Variants in ARHGAP31 observed in about 807,000 individuals in gnomAD.
ARHGAP31 encodes the protein Rho GTPase activating protein 31.
ARHGAP31 carries 34 observed loss-of-function variants against 113.9 expected under a neutral mutation model. That is an observed-to-expected ratio of 0.30 (90% CI 0.23 to 0.40). ARHGAP31 has a LOEUF of 0.40. ARHGAP31 is among the 10% of genes least tolerant of loss of function. The probability of loss-of-function intolerance (pLI) is 1.00; values close to 1 mark genes in which losing one functional copy is unlikely to be tolerated. For missense variants in ARHGAP31, 1,548 were observed against 1,767.1 expected (o/e 0.88, Z 2.22); for synonymous variants, 650 against 684.8 (o/e 0.95, Z 0.79).
intron 1 of ARHGAP31, among the ~76,000 whole-genome samples, chr3:119,359,948 C>G (rs2080191414): frequency 6.6e-6 from 1 of 152,028 alleles, no homozygotes; most frequent in Non-Finnish European, 1.5e-5. Context: ...CATTATCTTA[C>G]CCTCTTCCCT....
chr3:119,324,948 G>A (rs764947965), intron 1 of ARHGAP31: 1 of 456,744 alleles, frequency 2.2e-6, no homozygotes, highest in South Asian at 1.5e-5. Flanking sequence ...AGGTGAAAAT[G>A]TGTCATTTGG....
At chr3:119,331,784 GT>G (rs747077549) in intron 1 of ARHGAP31, among the ~76,000 whole-genome samples, 4 of 152,196 alleles carry the variant, frequency 2.6e-5, no homozygotes, top group Non-Finnish European at 4.4e-5. Context: ...CTGTCTTAAA[GT>G]TTGACTCAGA....
At chr3:119,325,700 GGCTGTTTGACAGCTAGGGCA>G in intron 1 of ARHGAP31, among the ~76,000 whole-genome samples, 1 of 152,226 alleles carries the variant, frequency 6.6e-6, no homozygotes, top group African/African-American at 2.4e-5. Flanking sequence ...CCTGAAGGCA[GGCTGTTTGACAGCTAGGGCA>G]AAACAGTGGC....
chr3:119,297,246 T>C (rs1011224888), intron 1 of ARHGAP31, among the ~76,000 whole-genome samples: 4 of 152,218 alleles, frequency 2.6e-5, no homozygotes, highest in Admixed American at 1.3e-4. Flanking sequence ...TCAGTGCTAA[T>C]GGTTTTCTCT....
At position 119,387,221 on chromosome 3, in the gene ARHGAP31, C is replaced by T. The variant is rs1054278946; in HGVS notation, c.683-3564C>T. On this transcript the variant is annotated intron_variant, in intron 6 of 11. Transcript: ENST00000264245. ...GCGTCTTCCCAGACGCTGGCTTCAC[C>T]GCTAGACCAAGGAGCCCTTCTGCTG... Among the ~76,000 whole-genome samples the T allele has an allele frequency of 5.9e-5, 9 of 152,368 alleles. No individual in the cohort carries two copies. In the East Asian group the frequency reaches 7.7e-4, roughly 13 times the overall value.
At position 119,306,232 on chromosome 3, in the gene ARHGAP31, C is replaced by T. The variant is rs529566688; in HGVS notation, c.100+11228C>T. Among the ~76,000 whole-genome samples the T allele has an allele frequency of 5.9e-5, 9 of 152,186 alleles. No homozygotes were observed. In the South Asian group the frequency reaches 8.3e-4, roughly 14 times the overall value. ...TACTCTTCAAATCCAGTTTTGGACT[C>T]CTTGAGACAAAATGGACATCTAGTA... On this transcript the variant is annotated intron_variant, in intron 1 of 11. Transcript: ENST00000264245.
At chr3:119,365,509 C>T (rs1221388997) in intron 2 of ARHGAP31, 91 bp downstream of exon 2, 4 of 1,144,476 alleles carry the variant, frequency 3.5e-6, no homozygotes, top group South Asian at 1.3e-5. Flanking sequence ...ATTAAAAACC[C>T]AAAGGAACTG....
chr3:119,374,479 T>C (rs1255364528), intron 3 of ARHGAP31, among the ~76,000 whole-genome samples: 1 of 152,134 alleles, frequency 6.6e-6, no homozygotes, highest in East Asian at 1.9e-4. Flanking sequence ...CAATCTTAGG[T>C]ATTCAGTATG....
chr3:119,303,877 C>T (rs1021817285), intron 1 of ARHGAP31, among the ~76,000 whole-genome samples: 3 of 151,974 alleles, frequency 2.0e-5, no homozygotes, highest in African/African-American at 7.3e-5. Flanking sequence ...TCACTGCAAC[C>T]TCCACCTCCT....
chr3:119,416,007 C>G lies in ARHGAP31; in HGVS notation c.4078C>G (p.Leu1360Val), dbSNP rs577116931. ...FSPPFPIMDH[L>V]PPSSTVTDSK... is the part of the protein sequence containing the mutation. ...TCCTCCTTTCCCCATTATGGACCAC[C>G]TGCCCCCTTCATCCACAGTGACAGA... is the stretch of plus-strand genomic sequence containing the variant. Residue 1360 changes from leucine to valine, a missense_variant, in exon 12 of 12, where the codon CTG becomes GTG. Coordinates refer to ENST00000264245, the MANE Select transcript of ARHGAP31 (RefSeq NM_020754.4). The G allele has an allele frequency of 2.5e-5, 40 of 1,614,216 alleles. 1 individual carries two copies. The East Asian group carries it at 7.6e-4, about 31-fold the overall frequency.
At chr3:119,331,903 G>A (rs778333002) in intron 1 of ARHGAP31, among the ~76,000 whole-genome samples, 19 of 152,042 alleles carry the variant, frequency 1.2e-4, no homozygotes, top group African/African-American at 2.2e-4. Context: ...TGCCTGCACC[G>A]CCTCACTACA....
chr3:119,411,292 AC>A (rs1413983321), intron 11 of ARHGAP31, among the ~76,000 whole-genome samples: 1 of 152,164 alleles, frequency 6.6e-6, no homozygotes, highest in Non-Finnish European at 1.5e-5. Flanking sequence ...GAAAGGAGGC[AC>A]GAATGCATCA....
chr3:119,331,630 C>G (rs2079892283), intron 1 of ARHGAP31, among the ~76,000 whole-genome samples: 1 of 152,166 alleles, frequency 6.6e-6, no homozygotes, highest in Non-Finnish European at 1.5e-5. Flanking sequence ...GAAAACAGCT[C>G]CAAGAGCCCT....
intron 1 of ARHGAP31, among the ~76,000 whole-genome samples, chr3:119,360,404 A>G (rs941065678): frequency 1.3e-5 from 2 of 152,368 alleles, no homozygotes; most frequent in Middle Eastern, 3.4e-3. Context: ...CATTTGCACT[A>G]TGAAAGAATG....
chr3:119,376,844 A>G (rs1413065245), intron 3 of ARHGAP31, among the ~76,000 whole-genome samples: 2 of 151,992 alleles, frequency 1.3e-5, no homozygotes, highest in Non-Finnish European at 2.9e-5. Context: ...AGCTCAAGAC[A>G]GCTGCAAAGG....
At chr3:119,316,090 C>T (rs1025728675) in intron 1 of ARHGAP31, among the ~76,000 whole-genome samples, 5 of 152,308 alleles carry the variant, frequency 3.3e-5, no homozygotes, top group East Asian at 3.9e-4. Context: ...ATGTACACAG[C>T]AGGCGTGTTT....
At chr3:119,308,454 T>G (rs1299029447) in intron 1 of ARHGAP31, among the ~76,000 whole-genome samples, 1 of 152,198 alleles carries the variant, frequency 6.6e-6, no homozygotes, top group African/African-American at 2.4e-5. Flanking sequence ...ACCACCTACA[T>G]TCCTTGGCTT....
chr3:119,337,224 C>G (rs575827099), intron 1 of ARHGAP31, among the ~76,000 whole-genome samples: 1 of 152,140 alleles, frequency 6.6e-6, no homozygotes, highest in South Asian at 2.1e-4. Context: ...TTCTGATGTT[C>G]GGACATCTCC....
intron 8 of ARHGAP31, among the ~76,000 whole-genome samples, chr3:119,396,342 G>T (rs2080550334): frequency 1.3e-5 from 2 of 152,204 alleles, no homozygotes; most frequent in African/African-American, 4.8e-5. Context: ...CTGATATGCA[G>T]TCAGTGTTGA....
Sources: allele counts gnomAD v4.1 joint callset (sites outside exome capture counted in the v4.1 genomes callset), GRCh38; gene constraint gnomAD v4.1.1; transcripts MANE v1.5; gene names NCBI Gene and HGNC (gene_info 2026-07-23, HGNC 2026-07-21).